Variants in SDHAF2 observed in about 807,000 individuals in gnomAD.
SDHAF2 encodes the protein succinate dehydrogenase complex assembly factor 2.
A neutral mutation model predicts 18.5 loss-of-function variants in SDHAF2; 21 were observed. That is an observed-to-expected ratio of 1.13 (90% CI 0.80 to 1.63). SDHAF2 has a LOEUF of 1.63. Among genes scored for constraint, SDHAF2 ranks in the 40% most tolerant of loss-of-function variants. The probability of loss-of-function intolerance (pLI) is 0.00; values close to 1 mark genes in which losing one functional copy is unlikely to be tolerated. For synonymous variants in SDHAF2, 84 were observed against 70.7 expected (o/e 1.19, Z -0.94); for missense variants, 195 against 200.3 (o/e 0.97, Z 0.16).
intron 1 of SDHAF2, among the ~76,000 whole-genome samples, chr11:61,436,288 A>G (rs958449277): frequency 6.6e-6 from 1 of 152,072 alleles, no homozygotes; most frequent in Non-Finnish European, 1.5e-5. Context: ...GTGCTTAGAG[A>G]CAGAAACCAG....
chr11:61,438,975 CAG>C (rs1204628280), intron 3 of SDHAF2, among the ~76,000 whole-genome samples: 1 of 151,716 alleles, frequency 6.6e-6, no homozygotes, highest in African/African-American at 2.4e-5. Context: ...GCCTGGGAGA[CAG>C]AGATTGCAGT....
intron 3 of SDHAF2, among the ~76,000 whole-genome samples, chr11:61,442,633 A>G (rs746049546): frequency 2.3e-4 from 35 of 152,028 alleles, no homozygotes; most frequent in Non-Finnish European, 3.2e-4. Flanking sequence ...TTATTGTTGA[A>G]AAATTCTCAG....
intron 1 of SDHAF2, chr11:61,435,974 C>T (rs1807359): frequency 0.13 from 19,275 of 152,166 alleles, 3,641 homozygotes; most frequent in African/African-American, 0.41. Context: ...AATACAAAAT[C>T]AGACGGGCGT....
chr11:61,435,897 C>T (rs1861986485), intron 1 of SDHAF2: 1 of 152,448 alleles, frequency 6.6e-6, no homozygotes, highest in Non-Finnish European at 1.5e-5. Flanking sequence ...CCAAGGTAGG[C>T]AGATCACCTG....
In SDHAF2 at chr11:61,430,142, G is replaced by A. The variant is rs549705433; in HGVS notation, c.-5G>A. Reference sequence around the variant, plus strand: ...CGCAGCCGGTTTCCGGTGCAGGTGGGGAAAATGGCGGTGTCTACAGTGTTC... The same window carrying A: ...CGCAGCCGGTTTCCGGTGCAGGTGGAGAAAATGGCGGTGTCTACAGTGTTC... On this transcript the variant is annotated 5_prime_UTR_variant, in exon 1 of 4. Coordinates refer to ENST00000301761, the MANE Select transcript of SDHAF2 (RefSeq NM_017841.4). 6.2e-7 allele frequency: 1 copy of A among 1,614,206 alleles called. No homozygotes were observed. The highest frequency in any genetic ancestry group is 1.3e-5 in the African/African-American group (1 of 75,078).
At chr11:61,433,450 T>C (rs968210967) in intron 1 of SDHAF2, 2 of 152,096 alleles carry the variant, frequency 1.3e-5, no homozygotes, top group African/African-American at 4.8e-5. Flanking sequence ...CAGAAAAAAA[T>C]GGGTGAAATT....
intron 1 of SDHAF2, 69 bp downstream of exon 1, chr11:61,430,251 G>C (rs932344380): frequency 2.0e-5 from 32 of 1,598,034 alleles, no homozygotes; most frequent in Non-Finnish European, 2.5e-5. Context: ...CTTCCTCTGT[G>C]GTCTCTATCT....
intron 1 of SDHAF2, chr11:61,433,489 T>C (rs1861959392): frequency 6.6e-6 from 1 of 152,220 alleles, no homozygotes; most frequent in South Asian, 2.1e-4. Context: ...ATCCCAATTA[T>C]TAGAACAATT....
At chr11:61,436,633 T>C in intron 1 of SDHAF2, 1 of 353,156 alleles carries the variant, frequency 2.8e-6, no homozygotes, top group East Asian at 7.5e-5. Flanking sequence ...CTCATGATCA[T>C]GCTTGAGCAG....
chr11:61,434,539 A>G lies in SDHAF2; in HGVS notation c.37-3086A>G, dbSNP rs965296907. 5 of 146,468 alleles carry G rather than the reference A, an allele frequency of 3.4e-5. No homozygotes were observed. In the South Asian group the frequency reaches 1.1e-3, roughly 32 times the overall value. 9.1% of individuals were successfully genotyped at this position (146,468 alleles called of 1,614,324 possible). The stretch of plus-strand genomic sequence containing the variant: ...CTCTTATACGACTCTCATAATGTGT[A>G]TATTGATCTCCTTGATGGAGTCCCT... On this transcript the variant is annotated intron_variant, in intron 1 of 3. Coordinates refer to ENST00000301761, the MANE Select transcript of SDHAF2 (RefSeq NM_017841.4).
intron 3 of SDHAF2, among the ~76,000 whole-genome samples, chr11:61,441,024 C>G (rs1297183077): frequency 6.6e-6 from 1 of 151,912 alleles, no homozygotes; most frequent in Non-Finnish European, 1.5e-5. Flanking sequence ...AACATAGACC[C>G]CCTATCTCCA....
At chr11:61,438,615 C>T (rs1050430473) in intron 3 of SDHAF2, among the ~76,000 whole-genome samples, 2 of 152,146 alleles carry the variant, frequency 1.3e-5, no homozygotes, top group African/African-American at 4.8e-5. Flanking sequence ...AGAGTGGAAA[C>T]TTGTTTGTCT....
At chr11:61,430,500 A>G in intron 1 of SDHAF2, 6 of 495,006 alleles carry the variant, frequency 1.2e-5, no homozygotes, top group Non-Finnish European at 2.1e-5. Context: ...TTTAGTCTTT[A>G]ATGCTTTTCG....
intron 1 of SDHAF2, chr11:61,430,535 TTTTG>T (rs1480853082): frequency 1.5e-5 from 6 of 401,922 alleles, no homozygotes; most frequent in Non-Finnish European, 2.2e-5. Context: ...ATCTTCAGCT[TTTTG>T]TTTGTTTATA....
At chr11:61,438,959 G>A (rs1050523402) in intron 3 of SDHAF2, among the ~76,000 whole-genome samples, 6 of 152,040 alleles carry the variant, frequency 3.9e-5, no homozygotes, top group South Asian at 2.1e-4. Flanking sequence ...CAAGAGAATC[G>A]CTTGAGCCTG....
chr11:61,430,278 G>C, intron 1 of SDHAF2, 96 bp downstream of exon 1: 1 of 1,508,256 alleles, frequency 6.6e-7, no homozygotes, highest in South Asian at 1.1e-5. Context: ...GAGTTCGTCT[G>C]CCCGATAGCG....
At chr11:61,441,991 C>T (rs761737237) in intron 3 of SDHAF2, among the ~76,000 whole-genome samples, 10 of 151,892 alleles carry the variant, frequency 6.6e-5, no homozygotes, top group Non-Finnish European at 1.3e-4. Context: ...TCAAGCGATC[C>T]TCCCACCTCA....
At chr11:61,440,455 G>A (rs1356802434) in intron 3 of SDHAF2, among the ~76,000 whole-genome samples, 1 of 152,004 alleles carries the variant, frequency 6.6e-6, no homozygotes, top group Non-Finnish European at 1.5e-5. Flanking sequence ...CAAAAAATTA[G>A]CTGGGTGTGG....
intron 3 of SDHAF2, among the ~76,000 whole-genome samples, chr11:61,439,479 G>T (rs186343525): frequency 1.3e-5 from 2 of 152,312 alleles, no homozygotes; most frequent in East Asian, 3.9e-4. Flanking sequence ...CATCTGCCCA[G>T]CTGTGTTGGA....
Sources: allele counts gnomAD v4.1 joint callset (sites outside exome capture counted in the v4.1 genomes callset), GRCh38; gene constraint gnomAD v4.1.1; transcripts MANE v1.5; gene names NCBI Gene and HGNC (gene_info 2026-07-23, HGNC 2026-07-21).